The following TRIM9 variants were observed in gnomAD, a reference collection of about 807,000 sequenced individuals.
TRIM9 encodes tripartite motif containing 9.
A neutral mutation model predicts 78.3 loss-of-function variants in TRIM9; 26 were observed. The observed-to-expected ratio is 0.33, with a 90% CI of 0.24 to 0.46. The LOEUF (loss-of-function observed/expected upper bound fraction) is 0.46, where lower values mean the gene tolerates loss of function less well. Ranked by LOEUF, TRIM9 falls within the 20% of genes least tolerant of loss-of-function variation. The pLI, the probability that TRIM9 is intolerant of heterozygous loss-of-function variation, is 1.00. For synonymous variants in TRIM9, 398 were observed against 416.5 expected (o/e 0.96, Z 0.54); for missense variants, 787 against 1,036.4 (o/e 0.76, Z 3.30).
intron 1 of TRIM9, among the ~76,000 whole-genome samples, chr14:51,049,059 T>C (rs756440944): frequency 4.0e-4 from 61 of 151,964 alleles, no homozygotes; most frequent in Middle Eastern, 3.4e-3. Context: ...AGCACCGTTA[T>C]GTGGTTTTCT....
chr14:50,978,768 T>G (rs201864896), intron 12 of TRIM9: 32 of 430,716 alleles, frequency 7.4e-5, no homozygotes, highest in Non-Finnish European at 9.0e-5. Context: ...GTTTTTTTGT[T>G]TTTTTTTTTC....
At chr14:51,092,799 C>CA (rs796531542) in intron 1 of TRIM9, among the ~76,000 whole-genome samples, 6 of 152,116 alleles carry the variant, frequency 3.9e-5, no homozygotes, top group Admixed American at 6.5e-5. Context: ...TAGATAAATA[C>CA]AAAAAATAAC....
At chr14:50,982,505 T>G (rs2139312276) in intron 10 of TRIM9, among the ~76,000 whole-genome samples, 1 of 152,238 alleles carries the variant, frequency 6.6e-6, no homozygotes, top group African/African-American at 2.4e-5. Flanking sequence ...GAGTCCTAGA[T>G]GGAGGAGGGA....
chr14:51,076,671 G>A lies in TRIM9; in HGVS notation c.822+17447C>T, dbSNP rs1406201014. Reference sequence around the variant, plus strand: ...CACATTAATTAGGTTATTCTGGCCAGGCTCTGTTTTAAGGGCTTTGTGTCT... The same window carrying A: ...CACATTAATTAGGTTATTCTGGCCAAGCTCTGTTTTAAGGGCTTTGTGTCT... On this transcript the variant is annotated intron_variant, in intron 1 of 12. Coordinates refer to ENST00000684578, the MANE Select transcript of TRIM9 (RefSeq NM_001387360.1). 6.6e-5 allele frequency among the ~76,000 whole-genome samples: 10 copies of A among 152,292 alleles called. No homozygotes were observed. In the East Asian group the frequency reaches 1.9e-3, roughly 29 times the overall value.
intron 10 of TRIM9, 57 bp from the exon 11 acceptor site, chr14:50,982,160 A>G: frequency 1.3e-6 from 2 of 1,585,436 alleles, no homozygotes; most frequent in African/African-American, 1.3e-5. Flanking sequence ...GCTCAGCACC[A>G]TAACATACTC....
At chr14:51,086,184 T>C (rs2063735940) in intron 1 of TRIM9, among the ~76,000 whole-genome samples, 1 of 152,240 alleles carries the variant, frequency 6.6e-6, no homozygotes, top group Admixed American at 6.5e-5. Context: ...CTTCCTGGGC[T>C]TATCAGAAAG....
At chr14:51,063,868 C>T (rs2061539086) in intron 1 of TRIM9, among the ~76,000 whole-genome samples, 1 of 151,980 alleles carries the variant, frequency 6.6e-6, no homozygotes, top group Admixed American at 6.6e-5. Context: ...CGGATTGAAA[C>T]AAGATTGCAA....
intron 7 of TRIM9, chr14:50,997,667 A>G: frequency 9.1e-7 from 1 of 1,104,406 alleles, no homozygotes; most frequent in South Asian, 3.2e-5. Context: ...ATTTAGAATC[A>G]TCTGGGCAAA....
intron 1 of TRIM9, among the ~76,000 whole-genome samples, chr14:51,076,433 A>G (rs1160884144): frequency 1.3e-5 from 2 of 152,084 alleles, no homozygotes; most frequent in Non-Finnish European, 2.9e-5. Flanking sequence ...TTCCCAGGGG[A>G]GGGACCCACA....
intron 1 of TRIM9, among the ~76,000 whole-genome samples, chr14:51,041,792 C>A (rs941385821): frequency 2.0e-5 from 3 of 151,020 alleles, no homozygotes; most frequent in African/African-American, 7.3e-5. Flanking sequence ...ATTTTAAAGC[C>A]TAATATGATG....
chr14:50,990,013 T>A (rs1202876339), intron 7 of TRIM9, among the ~76,000 whole-genome samples: 1 of 152,148 alleles, frequency 6.6e-6, no homozygotes, highest in Admixed American at 6.5e-5. Context: ...TATATTTCTT[T>A]TGTTTCTTTA....
intron 5 of TRIM9, among the ~76,000 whole-genome samples, chr14:51,007,800 C>CAA (rs3029461): frequency 7.5e-6 from 1 of 132,838 alleles, no homozygotes; most frequent in African/African-American, 2.8e-5. Flanking sequence ...CATATTAAAC[C>CAA]AAAAAAAAAA....
In TRIM9 at chr14:50,998,274, A is replaced by G. The variant is rs889908385; in HGVS notation, c.1465-86T>C. ...GCAGTGTCGCTCAGTGGTTAGGAGC[A>G]AGAGCCCTGGTGTCATTCTAATCTG... On this transcript the variant is annotated intron_variant, in intron 6 of 12. Transcript: ENST00000684578. 3.8e-6 allele frequency: 5 copies of G among 1,302,330 alleles called. No individual in the cohort carries two copies. In the African/African-American group the frequency reaches 7.3e-5, roughly 19 times the overall value. 80.7% of individuals were successfully genotyped at this position (1,302,330 alleles called of 1,614,324 possible). A position where few individuals can be genotyped will look rare whatever the true frequency, so the allele number is the denominator to read the frequency against.
At chr14:51,067,918 G>C (rs1488878559) in intron 1 of TRIM9, among the ~76,000 whole-genome samples, 1 of 152,206 alleles carries the variant, frequency 6.6e-6, no homozygotes, top group Non-Finnish European at 1.5e-5. Flanking sequence ...CAAGACAGCA[G>C]AGAAAGTCTT....
intron 8 of TRIM9, among the ~76,000 whole-genome samples, chr14:50,985,371 T>C (rs2052561259): frequency 6.6e-6 from 1 of 152,248 alleles, no homozygotes; most frequent in African/African-American, 2.4e-5. Flanking sequence ...TGAGCCCCAC[T>C]GTCCTAGCAG....
intron 1 of TRIM9, among the ~76,000 whole-genome samples, chr14:51,050,222 C>T (rs1363690971): frequency 6.6e-6 from 1 of 152,132 alleles, no homozygotes; most frequent in Non-Finnish European, 1.5e-5. Context: ...GCTGTGTCCC[C>T]ACCCAAATCT....
chr14:51,060,815 A>G (rs1034931727), intron 1 of TRIM9, among the ~76,000 whole-genome samples: 3 of 152,130 alleles, frequency 2.0e-5, no homozygotes, highest in Non-Finnish European at 4.4e-5. Flanking sequence ...ATGATTGCAT[A>G]TACCATGACA....
intron 1 of TRIM9, among the ~76,000 whole-genome samples, chr14:51,031,435 G>A (rs1178611073): frequency 6.6e-6 from 1 of 152,154 alleles, no homozygotes; most frequent in South Asian, 2.1e-4. Context: ...CAGTCTCTGT[G>A]AGAGGGTAGG....
At chr14:51,040,173 C>T (rs34163607) in intron 1 of TRIM9, among the ~76,000 whole-genome samples, 11,839 of 152,178 alleles carry the variant, frequency 0.078, 550 homozygotes, top group East Asian at 0.15. Flanking sequence ...AATATTTCCT[C>T]GGATGGTCTT....
Sources: gnomAD v4.1 joint callset for allele counts (sites outside exome capture counted in the v4.1 genomes callset) on GRCh38, gnomAD v4.1.1 for gene constraint, MANE v1.5 for transcripts, NCBI Gene and HGNC (gene_info 2026-07-23, HGNC 2026-07-21) for gene names.